Variants in SGSM1 observed in about 807,000 individuals in gnomAD.
SGSM1 encodes RUN and TBC1 domain containing 2.
SGSM1 carries 73 observed loss-of-function variants against 133.8 expected under a neutral mutation model. The ratio of observed to expected loss-of-function variants is 0.55; its 90% CI spans 0.45 to 0.66. SGSM1 has a LOEUF of 0.66. Among genes scored for constraint, SGSM1 ranks in the 30% least tolerant of loss-of-function variants. SGSM1 has a pLI of 0.00. For missense variants in SGSM1, 1,213 were observed against 1,448.1 expected, an observed-to-expected ratio of 0.84 and a Z score of 2.64; for synonymous variants, 563 against 573.0, an observed-to-expected ratio of 0.98 and a Z score of 0.25.
intron 2 of SGSM1, among the ~76,000 whole-genome samples, chr22:24,816,417 C>CTTTTTTTTTTTTTTTT (rs3062145): frequency 7.7e-6 from 1 of 130,100 alleles, no homozygotes; most frequent in Non-Finnish European, 1.6e-5. Flanking sequence ...TTTTTTCTTT[C>CTTTTTTTTTTTTTTTT]TTTTTTTTTT....
At chr22:24,859,862 G>T in intron 9 of SGSM1, 22 bp downstream of exon 9, 1 of 1,612,542 alleles carries the variant, frequency 6.2e-7, no homozygotes, top group Non-Finnish European at 8.5e-7. Context: ...GGTCTGATAC[G>T]TATCCCTTGG....
intron 14 of SGSM1, among the ~76,000 whole-genome samples, chr22:24,882,730 T>C (rs997256436): frequency 3.3e-5 from 5 of 152,168 alleles, no homozygotes; most frequent in African/African-American, 1.2e-4. Context: ...ACTACTTTTT[T>C]AGATCCCATT....
At chr22:24,886,578 T>A (rs1932614812) in intron 15 of SGSM1, 22 bp from the exon 16 acceptor site, 3 of 1,550,260 alleles carry the variant, frequency 1.9e-6, no homozygotes, top group Non-Finnish European at 2.6e-6. Flanking sequence ...CCAAACTCTT[T>A]GCTCCTCTCC....
Position 24,901,965 on chromosome 22 carries a change from G to A in SGSM1, c.2735+8G>A, listed in dbSNP as rs1208730478. The A allele has an allele frequency of 7.1e-6, 11 of 1,555,896 alleles. No individual in the cohort carries two copies. The highest frequency in any genetic ancestry group is 8.7e-6 in the Non-Finnish European group (10 of 1,150,062). On this transcript the variant is annotated splice_region_variant and intron_variant, in intron 20 of 24. Transcript: ENST00000400358. ...GCGTAACATCATGTGCAGGTGGCTGGGGACAGCGAGGGGATCTAGGGGATG... is the reference window on the plus strand; with the variant it reads ...GCGTAACATCATGTGCAGGTGGCTGAGGACAGCGAGGGGATCTAGGGGATG...
At chr22:24,828,625 G>T (rs748737687) in intron 2 of SGSM1, among the ~76,000 whole-genome samples, 30 of 152,212 alleles carry the variant, frequency 2.0e-4, no homozygotes, top group Non-Finnish European at 4.0e-4. Context: ...CACACTTTTG[G>T]TGGGAGTGTA....
chr22:24,887,257 A>G (rs897988273), intron 16 of SGSM1, among the ~76,000 whole-genome samples: 1 of 151,956 alleles, frequency 6.6e-6, no homozygotes, highest in Non-Finnish European at 1.5e-5. Flanking sequence ...CACCTCCCCC[A>G]TACCCACACC....
At position 24,886,441 on chromosome 22, in the gene SGSM1, C is replaced by A. The variant is rs145512438; in HGVS notation, c.1642-159C>A. On this transcript the variant is annotated intron_variant, in intron 15 of 24. Coordinates refer to ENST00000400358, the MANE Select transcript of SGSM1 (RefSeq NM_001098497.3). ...CAGGGTGGCTGGGTGCAGTGGCTCA[C>A]GCCTGTAATCCCAGCACTTTGGGAG... Among the ~76,000 whole-genome samples the A allele has an allele frequency of 1.3e-5, 2 of 151,850 alleles. 1 individual carries two copies. Among genetic ancestry groups the A allele is most frequent in the South Asian group, 4.2e-4 (2 of 4,816 alleles).
At chr22:24,897,129 C>T (rs1172874800) in intron 18 of SGSM1, among the ~76,000 whole-genome samples, 1 of 152,112 alleles carries the variant, frequency 6.6e-6, no homozygotes, top group Non-Finnish European at 1.5e-5. Context: ...CCTGTAATCA[C>T]AGCACTCTGG....
intron 2 of SGSM1, among the ~76,000 whole-genome samples, chr22:24,838,695 A>G (rs1034209402): frequency 6.6e-6 from 1 of 152,086 alleles, no homozygotes; most frequent in Non-Finnish European, 1.5e-5. Flanking sequence ...GTGAGGTTTT[A>G]GTTCTGGGCT....
chr22:24,832,991 G>C (rs1009640070), intron 2 of SGSM1, among the ~76,000 whole-genome samples: 5 of 151,580 alleles, frequency 3.3e-5, no homozygotes, highest in Admixed American at 6.6e-5. Context: ...GCTGGAGACA[G>C]TGGCGCGATC....
intron 18 of SGSM1, among the ~76,000 whole-genome samples, chr22:24,896,620 T>G (rs972341903): frequency 1.4e-5 from 2 of 143,460 alleles, no homozygotes; most frequent in Non-Finnish European, 2.9e-5. Flanking sequence ...TTATTTTTTG[T>G]TTTTTGGTTT....
intron 21 of SGSM1, among the ~76,000 whole-genome samples, chr22:24,909,582 A>G (rs1933542007): frequency 6.6e-6 from 1 of 151,878 alleles, no homozygotes; most frequent in Admixed American, 6.6e-5. Flanking sequence ...CAGCCTCCCA[A>G]GTAGCTGGGA....
At chr22:24,890,527 T>C (rs1932796714) in intron 16 of SGSM1, among the ~76,000 whole-genome samples, 1 of 151,964 alleles carries the variant, frequency 6.6e-6, no homozygotes, top group Non-Finnish European at 1.5e-5. Context: ...TGCATCTGCT[T>C]GTATATGTTT....
At chr22:24,879,407 A>T in intron 13 of SGSM1, 55 bp from the exon 14 acceptor site, 1 of 1,576,836 alleles carries the variant, frequency 6.3e-7, no homozygotes, top group Non-Finnish European at 8.7e-7. Context: ...CTCTCCAGAA[A>T]ATCTGGGCTG....
At chr22:24,822,615 C>A (rs1394810537) in intron 2 of SGSM1, among the ~76,000 whole-genome samples, 3 of 152,202 alleles carry the variant, frequency 2.0e-5, no homozygotes, top group African/African-American at 7.2e-5. Flanking sequence ...TGGTGCTGGG[C>A]ATGCAGGGAG....
chr22:24,919,427 G>A (rs543161357), intron 23 of SGSM1, among the ~76,000 whole-genome samples: 7 of 152,100 alleles, frequency 4.6e-5, no homozygotes, highest in Non-Finnish European at 1.0e-4. Context: ...GCCAGTGTGT[G>A]GGGGGAAAGA....
intron 9 of SGSM1, among the ~76,000 whole-genome samples, chr22:24,860,922 A>AAAAATATATATATAT (rs1555926666): frequency 2.7e-5 from 1 of 37,610 alleles, no homozygotes; most frequent in African/African-American, 1.5e-4. Flanking sequence ...AAAAAAAAAA[A>AAAAATATATATATAT]ATATATATAT....
chr22:24,860,916 AAAAAAAATAT>A lies in SGSM1; in HGVS notation c.926+1078_926+1087del, dbSNP rs1476476060. On this transcript the variant is annotated intron_variant, in intron 9 of 24. Transcript: ENST00000400358. Reference sequence around the variant, plus strand: ...CTGTCTTAAAAAAAAAAAAAAAAAAAAAAAAAATATATATATATATATATATATATATAAT... The same window carrying A: ...CTGTCTTAAAAAAAAAAAAAAAAAAAATATATATATATATATATATATAAT... 1.3e-3 allele frequency among the ~76,000 whole-genome samples: 115 copies of A among 90,318 alleles called. 1 individual carries two copies. The highest frequency in any genetic ancestry group is 6.4e-3 in the African/African-American group (106 of 16,488). 59.3% of individuals were successfully genotyped at this position (90,318 alleles called of 152,430 possible). A position where few individuals can be genotyped will look rare whatever the true frequency, so the allele number is the denominator to read the frequency against.
chr22:24,829,313 T>G (rs192628756), intron 2 of SGSM1, among the ~76,000 whole-genome samples: 45 of 152,124 alleles, frequency 3.0e-4, no homozygotes, highest in Non-Finnish European at 1.3e-4. Flanking sequence ...TTTTCACTTA[T>G]AAATGAGAGC....
Sources: gnomAD v4.1 joint callset for allele counts (sites outside exome capture counted in the v4.1 genomes callset) on GRCh38, gnomAD v4.1.1 for gene constraint, MANE v1.5 for transcripts, NCBI Gene and HGNC (gene_info 2026-07-23, HGNC 2026-07-21) for gene names.